The following MAP4 variants were observed in gnomAD, a reference collection of about 807,000 sequenced individuals.
MAP4 encodes the protein microtubule-associated protein 4.
MAP4 carries 76 observed loss-of-function variants against 170.2 expected under a neutral mutation model. That is an observed-to-expected ratio of 0.45 (90% CI 0.37 to 0.54). MAP4 has a LOEUF of 0.54. Among genes scored for constraint, MAP4 ranks in the 20% least tolerant of loss-of-function variants. The pLI is 0.00. For missense variants in MAP4, 2,506 were observed against 2,748.0 expected (o/e 0.91, Z 1.97); for synonymous variants, 909 against 994.5 (o/e 0.91, Z 1.62).
At chr3:47,991,899 G>A (rs2100092559) in intron 2 of MAP4, among the ~76,000 whole-genome samples, 1 of 151,622 alleles carries the variant, frequency 6.6e-6, no homozygotes, top group African/African-American at 2.4e-5. Flanking sequence ...TCGAACTCCT[G>A]ACCTCAGGTG....
At chr3:47,923,634 A>C (rs1038802526) in intron 4 of MAP4, among the ~76,000 whole-genome samples, 20 of 151,432 alleles carry the variant, frequency 1.3e-4, no homozygotes, top group South Asian at 4.2e-4. Context: ...AAAAAAAAAA[A>C]AAACAAACCC....
intron 3 of MAP4, among the ~76,000 whole-genome samples, chr3:47,933,976 T>G (rs928725380): frequency 6.6e-6 from 1 of 152,164 alleles, no homozygotes; most frequent in Admixed American, 6.5e-5. Context: ...TTGGGTTAAT[T>G]ATGTAGTTTA....
At chr3:47,897,605 A>T (rs903252739) in intron 10 of MAP4, among the ~76,000 whole-genome samples, 1 of 152,124 alleles carries the variant, frequency 6.6e-6, no homozygotes, top group African/African-American at 2.4e-5. Context: ...AAAAAGAGGC[A>T]ATGCACTTGG....
At chr3:47,853,705 C>T (rs1331682200) in intron 19 of MAP4, among the ~76,000 whole-genome samples, 8 of 152,218 alleles carry the variant, frequency 5.3e-5, no homozygotes, top group Non-Finnish European at 1.2e-4. Context: ...TGAAGGGTAG[C>T]CCCCTGAAGG....
At chr3:47,958,572 A>G (rs990198939) in intron 3 of MAP4, among the ~76,000 whole-genome samples, 1 of 152,076 alleles carries the variant, frequency 6.6e-6, no homozygotes, top group Non-Finnish European at 1.5e-5. Context: ...GCTGGAGTGC[A>G]GTGGTGCGAT....
chr3:47,892,775 A>C lies in MAP4; in HGVS notation c.5434+10175T>G, dbSNP rs959881075. On this transcript the variant is annotated intron_variant, in intron 10 of 20. Transcript: ENST00000683076. ...AATCTGAGAATGTAATTTCCCGTGAACTAGCACTCTGTTTAGATCTGCAAT... is the reference window on the plus strand; with the variant it reads ...AATCTGAGAATGTAATTTCCCGTGACCTAGCACTCTGTTTAGATCTGCAAT... The C allele has an allele frequency of 1.9e-5, 24 of 1,242,862 alleles. No homozygotes were observed. In the African/African-American group the frequency reaches 3.5e-4, roughly 18 times the overall value. The allele number at this position is 1,242,862 out of a possible 1,614,324, so 77.0% of individuals were successfully genotyped here.
At position 47,853,194 on chromosome 3, in the gene MAP4, G is replaced by C. The variant is rs769205952; in HGVS notation, c.6855C>G (p.Ala2285=). The C allele has an allele frequency of 1.9e-6, 3 of 1,583,504 alleles. No homozygotes were observed. The highest frequency in any genetic ancestry group is 2.6e-6 in the Non-Finnish European group (3 of 1,163,570). ...CCTGGATCTGGCTGTCCAAGGTCTG[G>C]GCCTCCCTTTGGTCACCACCCCCTG... ...TLSGGGDQRE[A]QTLDSQIQET... Residue 2285 remains alanine (A), a synonymous_variant, in exon 20 of 21, where the codon GCC becomes GCG. Transcript: ENST00000683076.
At position 47,909,831 on chromosome 3, in the gene MAP4, TTTATTCTTAA is replaced by T. The variant is rs2100035063; in HGVS notation, c.4580_4589del (p.Leu1527GlnfsTer8). 2.5e-6 allele frequency: 4 copies of T among 1,613,932 alleles called. No individual in the cohort carries two copies. Among genetic ancestry groups the T allele is most frequent in the Non-Finnish European group, 3.4e-6 (4 of 1,179,880 alleles). ...TTTTCATGGAATCAGCAAGCTCAGC[TTTATTCTTAA>T]GAGAGTGATCTCCATGAATGTTAAC... On this transcript the variant is annotated frameshift_variant, in exon 9 of 21. Transcript: ENST00000683076. LOFTEE classifies it high-confidence loss of function.
At chr3:47,867,597 C>T (rs1055910506) in intron 16 of MAP4, among the ~76,000 whole-genome samples, 27 of 152,234 alleles carry the variant, frequency 1.8e-4, no homozygotes, top group Non-Finnish European at 3.5e-4. Context: ...TGGTCATCAC[C>T]GCTCCTTTGG....
chr3:47,924,624 G>A (rs1440743604), intron 4 of MAP4, among the ~76,000 whole-genome samples: 3 of 152,228 alleles, frequency 2.0e-5, no homozygotes, highest in South Asian at 2.1e-4. Context: ...TTCTCACAAG[G>A]TTGCAGTCCA....
rs552862903 is a variant in MAP4, at chr3:48,061,256, T to C, written c.-20+27517A>G. Among the ~76,000 whole-genome samples the C allele has an allele frequency of 2.0e-5, 3 of 147,798 alleles. No individual in the cohort carries two copies. The South Asian group carries it at 6.8e-4, about 33-fold the overall frequency. ...CTCTGATGCCGAGCCGAAGCTGGAC[T>C]GTACTGCTGCCATCTCTGCTCACTG... On this transcript the variant is annotated intron_variant, in intron 1 of 18. Transcript: ENST00000360240.
chr3:47,877,923 G>A (rs2095848932), intron 10 of MAP4, among the ~76,000 whole-genome samples: 1 of 152,220 alleles, frequency 6.6e-6, no homozygotes, highest in Admixed American at 6.5e-5. Context: ...GATGGGATAA[G>A]AGCCAGAAGA....
At chr3:48,070,398 C>T (rs76776111) in intron 1 of MAP4, among the ~76,000 whole-genome samples, 6,301 of 151,958 alleles carry the variant, frequency 0.041, 434 homozygotes, top group African/African-American at 0.14. Context: ...TTTCCTTCTT[C>T]TCCATCTTCT....
At chr3:48,020,537 G>A (rs1389277935), upstream of MAP4, among the ~76,000 whole-genome samples, 1 of 152,124 alleles carries the variant, frequency 6.6e-6, no homozygotes, top group Non-Finnish European at 1.5e-5. Context: ...TTTTGTAGTC[G>A]TGGCAAAGGC....
At chr3:47,874,266 G>A (rs766472233) in intron 12 of MAP4, among the ~76,000 whole-genome samples, 15 of 152,118 alleles carry the variant, frequency 9.9e-5, no homozygotes, top group Non-Finnish European at 2.1e-4. Context: ...TCAGGAGTTC[G>A]AGACCAGCCT....
At chr3:47,861,633 G>A (rs1200972260) in intron 17 of MAP4, among the ~76,000 whole-genome samples, 4 of 151,614 alleles carry the variant, frequency 2.6e-5, no homozygotes, top group Non-Finnish European at 4.4e-5. Flanking sequence ...TTACAGGTGT[G>A]AGCCACCACG....
In MAP4 at chr3:47,910,999, TC is replaced by T; in HGVS notation, c.3421del (p.Glu1141SerfsTer5). The T allele has an allele frequency of 6.5e-7, 1 of 1,536,160 alleles. No individual in the cohort carries two copies. Among genetic ancestry groups the T allele is most frequent in the Non-Finnish European group, 8.7e-7 (1 of 1,146,908 alleles). On this transcript the variant is annotated frameshift_variant, in exon 9 of 21. Coordinates refer to ENST00000683076, the MANE Select transcript of MAP4 (RefSeq NM_001385682.1). LOFTEE classifies it high-confidence loss of function. Reference sequence around the variant, plus strand: ...CTTAGGCTGAGTCATCTCTTTAGGCTCCCCCATCACCACTGCCTCCGTGAGA... The same window carrying T: ...CTTAGGCTGAGTCATCTCTTTAGGCTCCCCATCACCACTGCCTCCGTGAGA... The part of the protein sequence containing the change: ...ADLTEAVVMG[E>X]PKEMTQPKVA...
intron 3 of MAP4, among the ~76,000 whole-genome samples, chr3:47,951,656 A>G (rs537582964): frequency 1.3e-5 from 2 of 152,152 alleles, no homozygotes; most frequent in Non-Finnish European, 2.9e-5. Flanking sequence ...TCAGTGCTCA[A>G]TGTTGCCCAG....
At chr3:47,863,767 C>A (rs895389289) in intron 17 of MAP4, among the ~76,000 whole-genome samples, 24 of 152,032 alleles carry the variant, frequency 1.6e-4, no homozygotes, top group Non-Finnish European at 2.9e-4. Flanking sequence ...CATCACTCCC[C>A]TCCCTCCCCT....
Sources: allele counts gnomAD v4.1 joint callset (sites outside exome capture counted in the v4.1 genomes callset), GRCh38; gene constraint gnomAD v4.1.1; transcripts MANE v1.5; gene names NCBI Gene and HGNC (gene_info 2026-07-23, HGNC 2026-07-21).